GPRC5B: variants seen among roughly 807,000 people sequenced by gnomAD.
The protein encoded by GPRC5B is G protein-coupled receptor class C group 5 member B, also known as G protein-coupled receptor family C group 5 member B.
Under a neutral mutation model 30.1 loss-of-function variants are expected in GPRC5B, and 16 were observed. The ratio of observed to expected loss-of-function variants is 0.53; its 90% CI spans 0.36 to 0.81. GPRC5B has a LOEUF of 0.81. Ranked by LOEUF, GPRC5B falls within the 30% of genes least tolerant of loss-of-function variation. The pLI is 0.01. For synonymous variants in GPRC5B, 241 were observed against 239.5 expected (o/e 1.01, Z -0.06); for missense variants, 428 against 544.7 (o/e 0.79, Z 2.13).
At chr16:19,865,593 T>A (rs2141140421) in intron 2 of GPRC5B, among the ~76,000 whole-genome samples, 1 of 152,330 alleles carries the variant, frequency 6.6e-6, no homozygotes, top group South Asian at 2.1e-4. Flanking sequence ...TGTATCAAGA[T>A]TTGAAGTGCA....
intron 1 of GPRC5B, among the ~76,000 whole-genome samples, chr16:19,873,818 C>T (rs1302951113): frequency 6.6e-6 from 1 of 152,128 alleles, no homozygotes; most frequent in Non-Finnish European, 1.5e-5. Context: ...CTGTCTGTCG[C>T]CCAGGCTGGA....
At position 19,872,279 on chromosome 16, in the gene GPRC5B, T is replaced by G; in HGVS notation, c.567A>C (p.Thr189=). The G allele has an allele frequency of 6.2e-7, 1 of 1,613,924 alleles. No homozygotes were observed. Among genetic ancestry groups the G allele is most frequent in the South Asian group, 1.1e-5 (1 of 91,080 alleles). The change falls in exon 2 of 4, where the codon ACA becomes ACC. Residue 189 remains threonine, a synonymous_variant. Coordinates refer to ENST00000300571, the MANE Select transcript of GPRC5B (RefSeq NM_016235.3). This position sits in a 1 kb window ranked among gnomAD's most constrained non-coding sequence, Gnocchi z 5.0. ...TGGGCTCGTAGGCGCAGGCTGGCCT[T>G]GTGTCACGCAGCACGGTGAGCACCA... ...EWLVLTVLRD[T]RPACAYEPMD...
intron 1 of GPRC5B, among the ~76,000 whole-genome samples, chr16:19,873,333 G>C (rs528053794): frequency 6.6e-6 from 1 of 151,952 alleles, no homozygotes; most frequent in Non-Finnish European, 1.5e-5. Flanking sequence ...GCATGGTGGC[G>C]GGCGCCTGTA....
chr16:19,885,077 C>T (rs1210873986), upstream of GPRC5B: 4 of 768,226 alleles, frequency 5.2e-6, no homozygotes, highest in Non-Finnish European at 7.6e-6. The surrounding 1 kb of genome is among the most constrained non-coding windows in gnomAD (Gnocchi z 5.3). Context: ...TTCCCCCGAC[C>T]TCGTGCCCCC....
At chr16:19,885,008 C>T, upstream of GPRC5B, 1 of 551,698 alleles carries the variant, frequency 1.8e-6, no homozygotes, top group South Asian at 3.5e-5. The surrounding 1 kb of genome is among the most constrained non-coding windows in gnomAD (Gnocchi z 5.3). Flanking sequence ...GGCTAGGCGC[C>T]GTCTGCATGC....
intron 3 of GPRC5B, 105 bp downstream of exon 3, chr16:19,861,732 G>A: frequency 3.3e-6 from 3 of 916,694 alleles, no homozygotes; most frequent in Non-Finnish European, 5.2e-6. Flanking sequence ...GGTCCTTGCA[G>A]GCCACATGGG....
intron 2 of GPRC5B, among the ~76,000 whole-genome samples, chr16:19,863,537 G>A (rs1437890375): frequency 4.6e-5 from 6 of 129,542 alleles, no homozygotes; most frequent in African/African-American, 5.9e-5. Flanking sequence ...TCGCTCTGTC[G>A]CCCAGGCTGG....
upstream of GPRC5B, chr16:19,885,397 C>A (rs904279695): frequency 3.4e-6 from 4 of 1,162,634 alleles, no homozygotes; most frequent in Non-Finnish European, 4.3e-6. The surrounding 1 kb of genome is among the most constrained non-coding windows in gnomAD (Gnocchi z 5.3). Flanking sequence ...GCACACACAC[C>A]GCTAGGCCTC....
chr16:19,858,259 ACT>A lies in GPRC5B; in HGVS notation c.*2239_*2240del. The A allele has an allele frequency of 2.5e-6, 1 of 393,576 alleles. No individual in the cohort carries two copies. Among genetic ancestry groups the A allele is most frequent in the Non-Finnish European group, 4.5e-6 (1 of 223,146 alleles). 24.4% of individuals were successfully genotyped at this position (393,576 alleles called of 1,614,324 possible). A position where few individuals can be genotyped will look rare whatever the true frequency, so the allele number is the denominator to read the frequency against. On this transcript the variant is annotated 3_prime_UTR_variant, in exon 4 of 4. Coordinates refer to ENST00000300571, the MANE Select transcript of GPRC5B (RefSeq NM_016235.3). ...CCCCCATTATGAAGGCGTTCAGCCC[ACT>A]CTCAACCTTAAAAGCCAAAATAAAA...
chr16:19,858,434 A>G lies in GPRC5B; in HGVS notation c.*2066T>C. 1.6e-6 allele frequency: 1 copy of G among 644,388 alleles called. No individual in the cohort carries two copies. Among genetic ancestry groups the G allele is most frequent in the Non-Finnish European group, 2.8e-6 (1 of 354,284 alleles). 39.9% of individuals were successfully genotyped at this position (644,388 alleles called of 1,614,324 possible). A position where few individuals can be genotyped will look rare whatever the true frequency, so the allele number is the denominator to read the frequency against. The stretch of plus-strand genomic sequence containing the variant: ...CAGCCATTTGTGCTGTGCTCACCTT[A>G]TATGCTTGGACAATAAAGAACTTAG... On this transcript the variant is annotated 3_prime_UTR_variant, in exon 4 of 4. Transcript: ENST00000300571.
chr16:19,862,605 C>A (rs999325032), intron 2 of GPRC5B, among the ~76,000 whole-genome samples: 1 of 151,928 alleles, frequency 6.6e-6, no homozygotes, highest in African/African-American at 2.4e-5. Flanking sequence ...ATGGAGGAAT[C>A]TAACAAACAA....
chr16:19,884,805 C>G lies in GPRC5B; in HGVS notation c.-80G>C. The G allele has an allele frequency of 3.0e-6, 3 of 984,442 alleles. No individual in the cohort carries two copies. The highest frequency in any genetic ancestry group is 3.6e-6 in the Non-Finnish European group (3 of 829,522). 61.0% of individuals were successfully genotyped at this position (984,442 alleles called of 1,614,324 possible). A position where few individuals can be genotyped will look rare whatever the true frequency, so the allele number is the denominator to read the frequency against. On this transcript the variant is annotated 5_prime_UTR_variant, in exon 1 of 4. Transcript: ENST00000300571. ...ACATCTCTGCGGCGCGGCCGCGGCC[C>G]CCGCTCCACGCACGCCCGCCTGCGG...
chr16:19,883,309 C>T (rs1053060453), intron 1 of GPRC5B, among the ~76,000 whole-genome samples: 2 of 152,344 alleles, frequency 1.3e-5, no homozygotes, highest in East Asian at 3.9e-4. Context: ...TCCTTCCCTT[C>T]CCAACTCAGC....
upstream of GPRC5B, chr16:19,884,906 C>A: frequency 2.1e-6 from 2 of 969,746 alleles, no homozygotes; most frequent in African/African-American, 1.8e-5. Context: ...GCTGCTGCAG[C>A]GGCCGCGGCC....
intron 2 of GPRC5B, among the ~76,000 whole-genome samples, chr16:19,865,089 T>G (rs977085035): frequency 1.3e-4 from 20 of 151,812 alleles, no homozygotes; most frequent in Non-Finnish European, 2.8e-4. Flanking sequence ...TTTTTTTTTT[T>G]GTAGAGACAG....
At chr16:19,869,190 G>A (rs967492166) in intron 2 of GPRC5B, among the ~76,000 whole-genome samples, 10 of 151,904 alleles carry the variant, frequency 6.6e-5, no homozygotes, top group Admixed American at 1.3e-4. Flanking sequence ...TTAGCCAGGC[G>A]TGATGGCATG....
At chr16:19,883,844 G>C (rs917222530) in intron 1 of GPRC5B, among the ~76,000 whole-genome samples, 4 of 152,246 alleles carry the variant, frequency 2.6e-5, no homozygotes, top group Admixed American at 2.6e-4. Context: ...GGGCAAGGTC[G>C]TTGGCCCCTT....
chr16:19,884,052 A>T (rs1471390211), intron 1 of GPRC5B, among the ~76,000 whole-genome samples: 1 of 151,176 alleles, frequency 6.6e-6, no homozygotes, highest in African/African-American at 2.4e-5. Context: ...CAGAGGTCCA[A>T]GTGCCCCCTG....
chr16:19,869,682 G>T (rs2056697757), intron 2 of GPRC5B, among the ~76,000 whole-genome samples: 1 of 152,124 alleles, frequency 6.6e-6, no homozygotes, highest in Non-Finnish European at 1.5e-5. Flanking sequence ...TGGGTACCCA[G>T]ATAACATCCA....
Sources: allele counts gnomAD v4.1 joint callset (sites outside exome capture counted in the v4.1 genomes callset), GRCh38; gene constraint gnomAD v4.1.1; non-coding constraint Gnocchi (gnomAD v3.1); transcripts MANE v1.5; gene names NCBI Gene and HGNC (gene_info 2026-07-23, HGNC 2026-07-21).